SYN3: variants seen among roughly 807,000 people sequenced by gnomAD.
SYN3 encodes the protein synapsin III, also known as synapsin-3.
A neutral mutation model predicts 65.8 loss-of-function variants in SYN3; 35 were observed. That is an observed-to-expected ratio of 0.53 (90% CI 0.41 to 0.70). The LOEUF (loss-of-function observed/expected upper bound fraction) is 0.70. SYN3 is among the 30% of genes least tolerant of loss of function. SYN3 has a pLI of 0.00. For synonymous variants in SYN3, 270 were observed against 292.9 expected, an observed-to-expected ratio of 0.92 and a Z score of 0.80; for missense variants, 680 against 749.0, an observed-to-expected ratio of 0.91 and a Z score of 1.08.
chr22:32,917,780 G>T (rs1413843764), intron 4 of SYN3, among the ~76,000 whole-genome samples: 1 of 152,242 alleles, frequency 6.6e-6, no homozygotes, highest in African/African-American at 2.4e-5. Context: ...TCTGCCGCTG[G>T]CCTGTTGGCT....
At chr22:32,700,097 T>C (rs1218477151) in intron 6 of SYN3, among the ~76,000 whole-genome samples, 3 of 152,340 alleles carry the variant, frequency 2.0e-5, no homozygotes, top group African/African-American at 7.2e-5. Context: ...TGAAATTTTG[T>C]ATACGGTCTC....
intron 1 of SYN3, among the ~76,000 whole-genome samples, chr22:33,050,886 G>A (rs1034346629): frequency 3.3e-5 from 5 of 152,148 alleles, no homozygotes; most frequent in African/African-American, 9.7e-5. Flanking sequence ...AGCGCAGCTC[G>A]GATGATGAAA....
intron 3 of SYN3, among the ~76,000 whole-genome samples, chr22:32,936,486 AAAT>A (rs929143348): frequency 4.1e-5 from 6 of 146,130 alleles, no homozygotes; most frequent in African/African-American, 1.3e-4. Flanking sequence ...TGCAGAGAAA[AAAT>A]AAAACAAACA....
At chr22:32,516,337 T>C (rs544986662) in intron 13 of SYN3, among the ~76,000 whole-genome samples, 8 of 151,354 alleles carry the variant, frequency 5.3e-5, no homozygotes, top group East Asian at 1.9e-4. Context: ...CTTTTCAACA[T>C]ACATCTTTGA....
At chr22:32,951,570 C>A (rs139664805) in intron 3 of SYN3, among the ~76,000 whole-genome samples, 1 of 152,334 alleles carries the variant, frequency 6.6e-6, no homozygotes, top group Admixed American at 6.5e-5. Flanking sequence ...TGTGCTCCGT[C>A]AATATCACTC....
intron 6 of SYN3, among the ~76,000 whole-genome samples, chr22:32,715,380 T>G (rs1276723352): frequency 3.3e-5 from 5 of 152,206 alleles, no homozygotes; most frequent in Middle Eastern, 3.2e-3. Flanking sequence ...CCTCTTGACA[T>G]CCTATGGCAC....
Position 32,545,840 on chromosome 22 carries a change from C to T in SYN3, c.775-4127G>A, listed in dbSNP as rs528072349. ...CCTCCTAAAATGTTGGGATTACAGGCGTGAGCCCGGGTATCTTATACACAG... is the reference window on the plus strand; with the variant it reads ...CCTCCTAAAATGTTGGGATTACAGGTGTGAGCCCGGGTATCTTATACACAG... On this transcript the variant is annotated intron_variant, in intron 7 of 13. Transcript: ENST00000358763. Among the ~76,000 whole-genome samples, 111 of 152,202 alleles carry T rather than the reference C, an allele frequency of 7.3e-4. 1 individual carries two copies. Among genetic ancestry groups the T allele is most frequent in the Non-Finnish European group, 1.4e-3 (94 of 68,034 alleles).
chr22:32,797,749 A>T (rs928792444), intron 6 of SYN3, among the ~76,000 whole-genome samples: 1 of 152,184 alleles, frequency 6.6e-6, no homozygotes, highest in African/African-American at 2.4e-5. Context: ...GATGGTCTTC[A>T]GTCTTGGGTA....
chr22:32,751,602 G>A (rs1014488508), intron 6 of SYN3, among the ~76,000 whole-genome samples: 1 of 152,186 alleles, frequency 6.6e-6, no homozygotes, highest in African/African-American at 2.4e-5. Context: ...GGTGACCTTG[G>A]CAGAGGGTGT....
intron 6 of SYN3, among the ~76,000 whole-genome samples, chr22:32,758,534 C>T (rs990661527): frequency 3.3e-5 from 5 of 150,576 alleles, no homozygotes; most frequent in Non-Finnish European, 4.4e-5. Context: ...CTACATCTTT[C>T]TCCCGTGCTG....
chr22:32,663,377 C>T (rs1392583919), intron 6 of SYN3, among the ~76,000 whole-genome samples: 1 of 151,622 alleles, frequency 6.6e-6, no homozygotes, highest in East Asian at 1.9e-4. Context: ...TGGCTCACTG[C>T]AAGCTCCGCC....
chr22:33,005,349 A>C (rs1246502823), intron 2 of SYN3, among the ~76,000 whole-genome samples: 1 of 152,192 alleles, frequency 6.6e-6, no homozygotes, highest in Non-Finnish European at 1.5e-5. Flanking sequence ...CAATGCTTCC[A>C]TCTCCATAGT....
intron 6 of SYN3, among the ~76,000 whole-genome samples, chr22:32,800,464 T>G (rs1406738163): frequency 2.0e-5 from 3 of 152,070 alleles, no homozygotes; most frequent in Non-Finnish European, 1.5e-5. Context: ...AAAGTGGGAG[T>G]GATACTTGTG....
At chr22:32,941,911 G>A (rs1318758035) in intron 3 of SYN3, among the ~76,000 whole-genome samples, 2 of 152,186 alleles carry the variant, frequency 1.3e-5, no homozygotes, top group Non-Finnish European at 2.9e-5. Context: ...AGGGGCATCC[G>A]CCATTGCTAA....
At chr22:32,564,305 G>C (rs2058628499) in intron 7 of SYN3, among the ~76,000 whole-genome samples, 1 of 152,156 alleles carries the variant, frequency 6.6e-6, no homozygotes, top group South Asian at 2.1e-4. Flanking sequence ...CGGGAGGGTT[G>C]AGTCACTTCT....
In SYN3 at chr22:32,655,143, G is replaced by T. The variant is rs113766966; in HGVS notation, c.712-58407C>A. On this transcript the variant is annotated intron_variant, in intron 6 of 13. Transcript: ENST00000358763. The stretch of plus-strand genomic sequence containing the variant: ...GGCCTTTGGGAGGCTTCAGAGAGCT[G>T]CTTGGCTCTTCCATGTCTCATGCTA... 6.5e-3 allele frequency among the ~76,000 whole-genome samples: 991 copies of T among 152,284 alleles called. 10 individuals carry two copies. The highest frequency in any genetic ancestry group is 0.023 in the African/African-American group (948 of 41,564).
At position 32,533,335 on chromosome 22, in the gene SYN3, C is replaced by T. The variant is rs184991053; in HGVS notation, c.1095+458G>A. 2.6e-3 allele frequency among the ~76,000 whole-genome samples: 403 copies of T among 152,210 alleles called. 2 individuals are homozygous for T. Among genetic ancestry groups the T allele is most frequent in the African/African-American group, 9.1e-3 (377 of 41,502 alleles). ...GCACACCCCATGTCTATTATGTCCA[C>T]GGCTGTATCCCCAGAGCCACACCCA... On this transcript the variant is annotated intron_variant, in intron 10 of 13. Coordinates refer to ENST00000358763, the MANE Select transcript of SYN3 (RefSeq NM_003490.4).
chr22:32,713,292 T>A (rs2060989646), intron 6 of SYN3, among the ~76,000 whole-genome samples: 1 of 152,212 alleles, frequency 6.6e-6, no homozygotes. Context: ...GGCTTAAGAA[T>A]AAACACTGTA....
chr22:33,010,369 G>A lies in SYN3; in HGVS notation c.-162-3545C>T, dbSNP rs116134094. Among the ~76,000 whole-genome samples the A allele has an allele frequency of 2.8e-3, 431 of 152,054 alleles. 3 individuals carry two copies. Among genetic ancestry groups the A allele is most frequent in the African/African-American group, 9.5e-3 (391 of 41,354 alleles). On this transcript the variant is annotated intron_variant, in intron 1 of 13. Transcript: ENST00000358763. ...CTTGATTTTTGAGTGGTATGAAGTA[G>A]GGTATGAAGTTCATTTTCAGCCCCG...
Sources: gnomAD v4.1 joint callset for allele counts (sites outside exome capture counted in the v4.1 genomes callset) on GRCh38, gnomAD v4.1.1 for gene constraint, MANE v1.5 for transcripts, NCBI Gene and HGNC (gene_info 2026-07-23, HGNC 2026-07-21) for gene names.